LRFN5: variants seen among roughly 807,000 people sequenced by gnomAD.
LRFN5 encodes the protein leucine-rich repeat and fibronectin type-III domain-containing protein 5.
LRFN5 carries 24 observed loss-of-function variants against 45.6 expected under a neutral mutation model. The ratio of observed to expected loss-of-function variants is 0.53; its 90% CI spans 0.38 to 0.74. The LOEUF is 0.74. LRFN5 is among the 30% of genes least tolerant of loss of function. LRFN5 has a pLI of 0.00. For missense variants in LRFN5, 776 were observed against 861.5 expected (o/e 0.90, Z 1.24); for synonymous variants, 340 against 313.8 (o/e 1.08, Z -0.88).
At chr14:41,889,865 CTTTA>C (rs1048592033) in intron 3 of LRFN5, among the ~76,000 whole-genome samples, 1 of 151,954 alleles carries the variant, frequency 6.6e-6, no homozygotes, top group African/African-American at 2.4e-5. Context: ...TCTATAAACT[CTTTA>C]TTTATTTATT....
rs141529834 is a variant in LRFN5 at position 41,690,409 on chromosome 14, C to T, written c.-196-76445C>T. Among the ~76,000 whole-genome samples, 13 of 151,968 alleles carry T rather than the reference C, an allele frequency of 8.6e-5. No individual in the cohort carries two copies. The East Asian group carries it at 1.4e-3, about 16-fold the overall frequency. On this transcript the variant is annotated intron_variant, in intron 1 of 5. Transcript: ENST00000298119. ...TCTCTACTAAAAATACAAAATTAGC[C>T]GGGCATGGTGGTGTGCACCTGTAGT...
chr14:41,834,349 C>T (rs749847561), intron 2 of LRFN5, among the ~76,000 whole-genome samples: 2 of 152,054 alleles, frequency 1.3e-5, no homozygotes, highest in African/African-American at 2.4e-5. Flanking sequence ...TACTTACTTG[C>T]ACTTTGGTCA....
chr14:41,855,052 TA>T (rs1468403047), intron 2 of LRFN5, among the ~76,000 whole-genome samples: 1 of 152,182 alleles, frequency 6.6e-6, no homozygotes, highest in Non-Finnish European at 1.5e-5. Flanking sequence ...CCAGTGATCT[TA>T]AAAGGTTTCA....
chr14:41,758,128 G>C (rs1386532594), intron 1 of LRFN5, among the ~76,000 whole-genome samples: 2 of 152,004 alleles, frequency 1.3e-5, no homozygotes, highest in Non-Finnish European at 2.9e-5. Flanking sequence ...AATTTCCAAG[G>C]TTTTTCCAAC....
intron 1 of LRFN5, among the ~76,000 whole-genome samples, chr14:41,660,791 A>T (rs1880613814): frequency 6.7e-6 from 1 of 149,904 alleles, no homozygotes; most frequent in African/African-American, 2.5e-5. Flanking sequence ...TGGCCCATGG[A>T]TCACTCTCTT....
intron 1 of LRFN5, among the ~76,000 whole-genome samples, chr14:41,735,640 T>C (rs916500672): frequency 9.2e-5 from 14 of 152,160 alleles, no homozygotes; most frequent in African/African-American, 9.6e-5. Context: ...AATTCTGGGA[T>C]ACATATGCAG....
chr14:41,804,788 A>G (rs1453090700), intron 2 of LRFN5, among the ~76,000 whole-genome samples: 9 of 152,186 alleles, frequency 5.9e-5, no homozygotes, highest in Non-Finnish European at 1.3e-4. Context: ...TATTTGTTAA[A>G]TGAATAAATA....
chr14:41,784,775 C>T lies in LRFN5; in HGVS notation c.-21+17746C>T, dbSNP rs776699124. On this transcript the variant is annotated intron_variant, in intron 2 of 5. Transcript: ENST00000298119. ...TCCCAAGTAGCTGGGATTACAGGTA[C>T]GCACCACTATACCCGGCTAATTTTT... Among the ~76,000 whole-genome samples, 6 of 151,888 alleles carry T rather than the reference C, an allele frequency of 4.0e-5. No homozygotes were observed. The East Asian group carries it at 9.7e-4, about 25-fold the overall frequency.
intron 2 of LRFN5, among the ~76,000 whole-genome samples, chr14:41,774,059 A>G (rs1423938670): frequency 6.6e-6 from 1 of 152,204 alleles, no homozygotes; most frequent in African/African-American, 2.4e-5. Context: ...AGAAGTCTGA[A>G]TAAATGCTCT....
At chr14:41,671,618 T>G (rs1206291193) in intron 1 of LRFN5, among the ~76,000 whole-genome samples, 6 of 41,046 alleles carry the variant, frequency 1.5e-4, no homozygotes, top group Non-Finnish European at 3.9e-5. Context: ...TTTTTTTTCG[T>G]TTTTTTTTTT....
intron 1 of LRFN5, among the ~76,000 whole-genome samples, chr14:41,613,480 CA>C (rs779147025): frequency 1.6e-4 from 25 of 152,012 alleles, no homozygotes; most frequent in Middle Eastern, 6.8e-3. Flanking sequence ...ACTCAAAGCT[CA>C]CACTGTTCTT....
At chr14:41,711,151 A>G (rs1025274245) in intron 1 of LRFN5, among the ~76,000 whole-genome samples, 4 of 152,174 alleles carry the variant, frequency 2.6e-5, no homozygotes, top group African/African-American at 9.7e-5. Flanking sequence ...TCTTACTACA[A>G]AGATGAAAAA....
intron 2 of LRFN5, among the ~76,000 whole-genome samples, chr14:41,876,005 T>C (rs1243650929): frequency 6.6e-6 from 1 of 152,124 alleles, no homozygotes; most frequent in Non-Finnish European, 1.5e-5. Flanking sequence ...ATATATAACC[T>C]GAAAGATACA....
chr14:41,685,001 A>G (rs978944923), intron 1 of LRFN5, among the ~76,000 whole-genome samples: 1 of 152,240 alleles, frequency 6.6e-6, no homozygotes, highest in Admixed American at 6.5e-5. Context: ...TCCTGAATAA[A>G]TATTTTTCAA....
rs186026549 is a variant in LRFN5, at chr14:41,892,851, A to T, written c.2098+889A>T. 974 of 985,156 alleles carry T rather than the reference A, an allele frequency of 9.9e-4. 6 individuals are homozygous for T. In the African/African-American group the frequency reaches 0.016, roughly 16 times the overall value. The allele number at this position is 985,156 out of a possible 1,614,324, so 61.0% of individuals were successfully genotyped here. A position where few individuals can be genotyped will look rare whatever the true frequency, so the allele number is the denominator to read the frequency against. ...TACAAATTCCTATGCATCTACATGG[A>T]CATATGAAGATGTTTTCATTCATTT... is the stretch of plus-strand genomic sequence containing the variant. On this transcript the variant is annotated intron_variant, in intron 4 of 5. Transcript: ENST00000298119.
chr14:41,636,811 G>A (rs962903353), intron 1 of LRFN5, among the ~76,000 whole-genome samples: 7 of 152,060 alleles, frequency 4.6e-5, no homozygotes, highest in Non-Finnish European at 1.0e-4. Flanking sequence ...TCCTATGTGA[G>A]CTCATTTCTC....
At chr14:41,805,953 C>G (rs1887511422) in intron 2 of LRFN5, among the ~76,000 whole-genome samples, 1 of 152,096 alleles carries the variant, frequency 6.6e-6, no homozygotes, top group Admixed American at 6.6e-5. Context: ...GTGGACTCTG[C>G]CCACTGGTCT....
At chr14:41,736,704 C>T (rs920892537) in intron 1 of LRFN5, among the ~76,000 whole-genome samples, 2 of 152,148 alleles carry the variant, frequency 1.3e-5, no homozygotes, top group Non-Finnish European at 2.9e-5. Flanking sequence ...AAACTGCCAT[C>T]AGAGAATACT....
intron 1 of LRFN5, among the ~76,000 whole-genome samples, chr14:41,717,110 TA>T (rs1202804667): frequency 6.6e-5 from 10 of 152,314 alleles, no homozygotes; most frequent in Admixed American, 6.5e-4. Flanking sequence ...TTAACGAATC[TA>T]AGCTTATAGG....
Sources: allele counts gnomAD v4.1 joint callset (sites outside exome capture counted in the v4.1 genomes callset), GRCh38; gene constraint gnomAD v4.1.1; transcripts MANE v1.5; gene names NCBI Gene and HGNC (gene_info 2026-07-23, HGNC 2026-07-21).